The following KCNIP4 variants were observed in gnomAD, a reference collection of about 807,000 sequenced individuals.
KCNIP4 encodes Kv channel-interacting protein 4.
KCNIP4 carries 12 observed loss-of-function variants against 34.0 expected under a neutral mutation model. The ratio of observed to expected loss-of-function variants is 0.35; its 90% CI spans 0.23 to 0.57. The LOEUF is 0.57. Among genes scored for constraint, KCNIP4 ranks in the 20% least tolerant of loss-of-function variants. KCNIP4 has a pLI of 0.83. For synonymous variants in KCNIP4, 124 were observed against 102.2 expected (o/e 1.21, Z -1.29); for missense variants, 238 against 311.7 (o/e 0.76, Z 1.78).
At chr4:21,448,105 C>A (rs1577376158) in intron 1 of KCNIP4, among the ~76,000 whole-genome samples, 2 of 152,004 alleles carry the variant, frequency 1.3e-5, no homozygotes, top group Admixed American at 1.3e-4. Flanking sequence ...GAGGAAGTAG[C>A]TTTGGAATTG....
chr4:21,570,512 T>C (rs1371758855), intron 1 of KCNIP4, among the ~76,000 whole-genome samples: 1 of 152,050 alleles, frequency 6.6e-6, no homozygotes, highest in African/African-American at 2.4e-5. Context: ...GCATGTAATA[T>C]AGGAAGAAGT....
At chr4:21,295,711 C>G (rs1218272284) in intron 1 of KCNIP4, among the ~76,000 whole-genome samples, 1 of 152,110 alleles carries the variant, frequency 6.6e-6, no homozygotes, top group Non-Finnish European at 1.5e-5. Flanking sequence ...TCTGACAACC[C>G]TTTGATAAAT....
At chr4:21,821,372 G>A (rs1722345369) in intron 1 of KCNIP4, among the ~76,000 whole-genome samples, 1 of 152,110 alleles carries the variant, frequency 6.6e-6, no homozygotes, top group Non-Finnish European at 1.5e-5. Flanking sequence ...TAAGGTCACT[G>A]AATTTTTCCA....
At chr4:21,177,858 T>TTATATATATATATATATATATA (rs3080785) in intron 1 of KCNIP4, among the ~76,000 whole-genome samples, 54 of 139,302 alleles carry the variant, frequency 3.9e-4, no homozygotes, top group African/African-American at 1.3e-3. Context: ...AAAAAAAAAA[T>TTATATATATATATATATATATA]TATATATATA....
intron 1 of KCNIP4, among the ~76,000 whole-genome samples, chr4:21,026,241 G>A (rs1740550103): frequency 6.6e-6 from 1 of 152,150 alleles, no homozygotes; most frequent in South Asian, 2.1e-4. Flanking sequence ...TGGCTTTCTA[G>A]TTCTCAGAGA....
At chr4:20,980,237 A>G (rs1158924185) in intron 1 of KCNIP4, among the ~76,000 whole-genome samples, 2 of 152,158 alleles carry the variant, frequency 1.3e-5, no homozygotes, top group Admixed American at 1.3e-4. Context: ...TTCATCTTGC[A>G]CTTTCCCACC....
chr4:20,744,716 A>G (rs1175835786), intron 5 of KCNIP4, among the ~76,000 whole-genome samples: 2 of 152,240 alleles, frequency 1.3e-5, no homozygotes, highest in Non-Finnish European at 2.9e-5. Flanking sequence ...ATGTATACAT[A>G]TGTAACAAAC....
intron 1 of KCNIP4, among the ~76,000 whole-genome samples, chr4:20,920,236 G>A (rs573455056): frequency 6.6e-6 from 1 of 152,038 alleles, no homozygotes; most frequent in East Asian, 1.9e-4. Flanking sequence ...TTCATTTCAC[G>A]TGATTCTTTA....
At chr4:20,953,966 T>C (rs577083714) in intron 1 of KCNIP4, among the ~76,000 whole-genome samples, 1 of 152,314 alleles carries the variant, frequency 6.6e-6, no homozygotes, top group East Asian at 1.9e-4. Flanking sequence ...CTTCCCTGTG[T>C]TTTTCTCAAG....
chr4:21,424,601 G>GAAAA, intron 1 of KCNIP4, among the ~76,000 whole-genome samples: 1 of 143,746 alleles, frequency 7.0e-6, no homozygotes, highest in East Asian at 2.0e-4. Context: ...GAAAGAAAGA[G>GAAAA]AGAAAAAGAA....
At chr4:21,018,037 A>G (rs531371968) in intron 1 of KCNIP4, among the ~76,000 whole-genome samples, 118 of 152,216 alleles carry the variant, frequency 7.8e-4, no homozygotes, top group Non-Finnish European at 1.5e-3. Context: ...TGTACCACCT[A>G]ATGTCATTTT....
intron 1 of KCNIP4, among the ~76,000 whole-genome samples, chr4:21,116,211 TA>T (rs1749664617): frequency 6.6e-6 from 1 of 152,236 alleles, no homozygotes; most frequent in African/African-American, 2.4e-5. Flanking sequence ...CCAAACTGTT[TA>T]AGCTTCAGGT....
At chr4:21,569,123 CAATTAGCAAT>C (rs1472896453) in intron 1 of KCNIP4, among the ~76,000 whole-genome samples, 1 of 150,292 alleles carries the variant, frequency 6.7e-6, no homozygotes, top group Non-Finnish European at 1.5e-5. Flanking sequence ...GCCACCCACT[CAATTAGCAAT>C]ACTTTGTTCA....
chr4:21,002,653 C>A (rs1738240995), intron 1 of KCNIP4, among the ~76,000 whole-genome samples: 1 of 152,122 alleles, frequency 6.6e-6, no homozygotes, highest in Non-Finnish European at 1.5e-5. Flanking sequence ...CGGGCCCACC[C>A]CAGACCTACT....
chr4:21,347,521 T>C (rs1390597237), intron 1 of KCNIP4, among the ~76,000 whole-genome samples: 1 of 152,158 alleles, frequency 6.6e-6, no homozygotes, highest in African/African-American at 2.4e-5. Context: ...CTCCTTGTGA[T>C]GTGAAGCAGA....
At chr4:21,262,487 T>C (rs1204046049) in intron 1 of KCNIP4, among the ~76,000 whole-genome samples, 1 of 152,186 alleles carries the variant, frequency 6.6e-6, no homozygotes, top group Non-Finnish European at 1.5e-5. Flanking sequence ...ATGAGGAGTA[T>C]AAATGCTCCA....
At chr4:21,594,917 T>A (rs1275715938) in intron 1 of KCNIP4, among the ~76,000 whole-genome samples, 1 of 152,094 alleles carries the variant, frequency 6.6e-6, no homozygotes, top group Non-Finnish European at 1.5e-5. Context: ...CAAAAGTAAC[T>A]GTGGTTTTGG....
intron 1 of KCNIP4, among the ~76,000 whole-genome samples, chr4:21,265,686 A>C (rs60827539): frequency 6.6e-6 from 1 of 152,324 alleles, no homozygotes; most frequent in East Asian, 1.9e-4. Context: ...TAGAATCATA[A>C]TGGAAAATAA....
chr4:21,790,139 C>A (rs1005061976), intron 1 of KCNIP4, among the ~76,000 whole-genome samples: 5 of 152,058 alleles, frequency 3.3e-5, no homozygotes, highest in African/African-American at 9.7e-5. Flanking sequence ...ATACTGCTTG[C>A]GTGAGTATTA....
Sources: gnomAD v4.1 joint callset for allele counts (sites outside exome capture counted in the v4.1 genomes callset) on GRCh38, gnomAD v4.1.1 for gene constraint, MANE v1.5 for transcripts, NCBI Gene and HGNC (gene_info 2026-07-23, HGNC 2026-07-21) for gene names.